TTC39B: variants seen among roughly 807,000 people sequenced by gnomAD.
The protein encoded by TTC39B is tetratricopeptide repeat protein 39B.
In TTC39B, 92 loss-of-function variants were observed where a neutral mutation model predicts 96.6. That is an observed-to-expected ratio of 0.95 (90% confidence interval 0.80 to 1.13). TTC39B has a LOEUF of 1.13. Among genes scored for constraint, TTC39B ranks in the 50% most tolerant of loss-of-function variants. The pLI, the probability that TTC39B is intolerant of heterozygous loss-of-function variation, is 0.00. For synonymous variants in TTC39B, 367 were observed against 299.4 expected (o/e 1.23, Z -2.33); for missense variants, 955 against 809.3 (o/e 1.18, Z -2.18).
At chr9:15,273,449 C>T (rs975593391) in intron 1 of TTC39B, among the ~76,000 whole-genome samples, 11 of 152,122 alleles carry the variant, frequency 7.2e-5, no homozygotes, top group African/African-American at 2.4e-4. Flanking sequence ...TCTAGAACTC[C>T]GTTCCTCCCT....
chr9:15,214,552 T>C (rs1394997315), intron 3 of TTC39B, among the ~76,000 whole-genome samples: 5 of 152,154 alleles, frequency 3.3e-5, no homozygotes, highest in Non-Finnish European at 7.4e-5. Context: ...GCAAAATAAC[T>C]GTTGTCTATA....
At chr9:15,276,802 G>A (rs570741007) in intron 1 of TTC39B, among the ~76,000 whole-genome samples, 23 of 152,232 alleles carry the variant, frequency 1.5e-4, no homozygotes, top group African/African-American at 4.8e-4. Flanking sequence ...GATTCCAGCC[G>A]CCCACTGGGA....
At chr9:15,166,993 TATATATATATATATATATATATATA>T (rs1564299638) in exon 20 of TTC39B, 22 of 5,130 alleles carry the variant, frequency 4.3e-3, no homozygotes, top group African/African-American at 0.016. Context: ...TATATATATA[TATATATATATATATATATATATATA>T]TATATATATA....
intron 3 of TTC39B, among the ~76,000 whole-genome samples, chr9:15,215,557 C>CA (rs1820466665): frequency 1.4e-5 from 2 of 144,396 alleles, no homozygotes; most frequent in Admixed American, 7.0e-5. Context: ...AACTCCATCT[C>CA]AAAAAAAATA....
At chr9:15,265,361 G>A (rs1358214970) in intron 2 of TTC39B, among the ~76,000 whole-genome samples, 1 of 152,158 alleles carries the variant, frequency 6.6e-6, no homozygotes, top group Non-Finnish European at 1.5e-5. Flanking sequence ...GTCCTCCTCT[G>A]TGAGGTCTGC....
At chr9:15,299,633 G>T (rs1254867388) in intron 1 of TTC39B, among the ~76,000 whole-genome samples, 1 of 152,148 alleles carries the variant, frequency 6.6e-6, no homozygotes, top group Non-Finnish European at 1.5e-5. Context: ...GGAGTCCCCA[G>T]GTACTCATCT....
At chr9:15,233,361 C>G (rs1185361464) in intron 2 of TTC39B, among the ~76,000 whole-genome samples, 1 of 151,946 alleles carries the variant, frequency 6.6e-6, no homozygotes, top group East Asian at 1.9e-4. Context: ...TCTCTCCCCA[C>G]GGTCTCCCTC....
intron 13 of TTC39B, among the ~76,000 whole-genome samples, chr9:15,188,993 G>C (rs1342925802): frequency 6.6e-6 from 1 of 151,892 alleles, no homozygotes; most frequent in Non-Finnish European, 1.5e-5. Flanking sequence ...AAAAAGAATA[G>C]GAGACATTTA....
At chr9:15,214,237 G>A (rs752823598) in exon 4 of TTC39B, 1 of 1,613,138 alleles carries the variant, frequency 6.2e-7, no homozygotes, top group Non-Finnish European at 8.5e-7. Flanking sequence ...GATCCACCTT[G>A]GTTGATGATG....
chr9:15,184,484 C>A (rs1372168056), intron 16 of TTC39B, among the ~76,000 whole-genome samples: 2 of 149,874 alleles, frequency 1.3e-5, no homozygotes, highest in African/African-American at 4.9e-5. Flanking sequence ...TTACACTGAA[C>A]AGCTTTCCTG....
intron 6 of TTC39B, among the ~76,000 whole-genome samples, chr9:15,204,867 C>T (rs537465716): frequency 5.3e-5 from 8 of 152,266 alleles, no homozygotes; most frequent in Middle Eastern, 3.4e-3. Flanking sequence ...CAGGGACCTG[C>T]GGAGTACCCC....
At chr9:15,183,428 T>G (rs1181000538) in intron 16 of TTC39B, 1 of 372,052 alleles carries the variant, frequency 2.7e-6, no homozygotes, top group Non-Finnish European at 5.2e-6. Context: ...ATCTGAGACT[T>G]TATGAAAAAC....
At chr9:15,256,557 G>A (rs148246919) in intron 2 of TTC39B, among the ~76,000 whole-genome samples, 30 of 152,254 alleles carry the variant, frequency 2.0e-4, no homozygotes, top group African/African-American at 7.2e-4. Flanking sequence ...CAAAAAAACA[G>A]ATGATCAAAA....
intron 1 of TTC39B, among the ~76,000 whole-genome samples, chr9:15,281,317 G>A (rs1271364196): frequency 3.9e-5 from 6 of 152,122 alleles, no homozygotes; most frequent in Admixed American, 2.0e-4. Context: ...TGAGATGTAC[G>A]TAGGCTTTAA....
At chr9:15,164,725 G>A (rs1207745726) in exon 20 of TTC39B, 9 of 132,522 alleles carry the variant, frequency 6.8e-5, no homozygotes, top group Admixed American at 4.1e-4. Flanking sequence ...GTGTTTGGAT[G>A]TTAACAGTCA....
chr9:15,290,991 G>A (rs1824170638), intron 1 of TTC39B, among the ~76,000 whole-genome samples: 1 of 152,190 alleles, frequency 6.6e-6, no homozygotes, highest in African/African-American at 2.4e-5. Flanking sequence ...ATAAAGCTGG[G>A]CGTGTTTAAG....
Position 15,215,208 on chromosome 9 carries a change from G to A in TTC39B, c.372-959C>T, listed in dbSNP as rs145834586. Among the ~76,000 whole-genome samples the A allele has an allele frequency of 3.4e-3, 520 of 152,220 alleles. 4 individuals are homozygous for A. The highest frequency in any genetic ancestry group is 0.012 in the African/African-American group (503 of 41,532). ...TGTGGCTGTAGTGAGCCATGATCAC[G>A]CCACTGTACTCCAGCCTGAGCGATA... On this transcript the variant is annotated intron_variant, in intron 3 of 19. Coordinates refer to ENST00000512701, the Ensembl canonical transcript of TTC39B.
At chr9:15,237,746 A>T (rs1821852104) in intron 2 of TTC39B, among the ~76,000 whole-genome samples, 2 of 152,032 alleles carry the variant, frequency 1.3e-5, no homozygotes, top group South Asian at 4.2e-4. Flanking sequence ...TCTTAGTGAA[A>T]CTATTACAAA....
chr9:15,227,998 A>T (rs1232092108), intron 2 of TTC39B, among the ~76,000 whole-genome samples: 1 of 152,166 alleles, frequency 6.6e-6, no homozygotes, highest in Non-Finnish European at 1.5e-5. Flanking sequence ...AATTTAAATA[A>T]ATGGTACAAG....
Sources: allele counts gnomAD v4.1 joint callset (sites outside exome capture counted in the v4.1 genomes callset), GRCh38; gene constraint gnomAD v4.1.1; transcripts MANE v1.5; gene names NCBI Gene and HGNC (gene_info 2026-07-23, HGNC 2026-07-21).